SPIDR: variants seen among roughly 807,000 people sequenced by gnomAD.
SPIDR encodes the protein DNA repair-scaffolding protein.
SPIDR carries 93 observed loss-of-function variants against 104.6 expected under a neutral mutation model. That is an observed-to-expected ratio of 0.89 (90% confidence interval 0.75 to 1.06). The LOEUF (loss-of-function observed/expected upper bound fraction) is 1.06, where lower values mean the gene tolerates loss of function less well. Among genes scored for constraint, SPIDR ranks in the 50% least tolerant of loss-of-function variants. The probability of loss-of-function intolerance (pLI) is 0.00; values close to 1 mark genes in which losing one functional copy is unlikely to be tolerated. For synonymous variants in SPIDR, 431 were observed against 416.9 expected (o/e 1.03, Z -0.41); for missense variants, 1,154 against 1,111.2 (o/e 1.04, Z -0.55).
chr8:47,712,961 G>T (rs1049424433), intron 15 of SPIDR, 89 bp downstream of exon 15: 32 of 1,563,556 alleles, frequency 2.0e-5, no homozygotes, highest in Non-Finnish European at 2.7e-5. Context: ...CCTCCTTGTT[G>T]CTTGGACGCT....
chr8:47,728,732 C>T (rs1448360852), intron 17 of SPIDR: 4 of 528,278 alleles, frequency 7.6e-6, no homozygotes, highest in African/African-American at 2.0e-5. Context: ...CAGTGCTACT[C>T]GTGCTACTCG....
At chr8:47,328,273 T>A (rs1156271599) in intron 5 of SPIDR, among the ~76,000 whole-genome samples, 1 of 151,918 alleles carries the variant, frequency 6.6e-6, no homozygotes, top group Non-Finnish European at 1.5e-5. Context: ...TTTTTTTTTT[T>A]AAAGAGATAA....
intron 8 of SPIDR, among the ~76,000 whole-genome samples, chr8:47,472,263 C>G (rs1271967163): frequency 6.6e-6 from 1 of 152,172 alleles, no homozygotes; most frequent in African/African-American, 2.4e-5. Context: ...TTCACATTGT[C>G]TCCTAGGAGA....
chr8:47,589,022 G>GTTTTTTTTTTTTTTTTTTT (rs1168001066), intron 8 of SPIDR, among the ~76,000 whole-genome samples: 24 of 89,048 alleles, frequency 2.7e-4, no homozygotes, highest in East Asian at 3.4e-4. Context: ...TTTATAGTTT[G>GTTTTTTTTTTTTTTTTTTT]TTTTTTTTTT....
At chr8:47,487,375 A>G (rs1348775034) in intron 8 of SPIDR, among the ~76,000 whole-genome samples, 5 of 152,136 alleles carry the variant, frequency 3.3e-5, no homozygotes, top group African/African-American at 9.7e-5. Context: ...GAGACCTACA[A>G]AGAGACTTAG....
chr8:47,543,844 G>T (rs899828947), intron 8 of SPIDR, among the ~76,000 whole-genome samples: 1 of 152,136 alleles, frequency 6.6e-6, no homozygotes, highest in Non-Finnish European at 1.5e-5. Flanking sequence ...AAGCTGGTGG[G>T]CTGTCACATC....
intron 5 of SPIDR, among the ~76,000 whole-genome samples, chr8:47,315,961 A>G (rs1200566629): frequency 6.6e-6 from 1 of 152,204 alleles, no homozygotes; most frequent in African/African-American, 2.4e-5. Context: ...GAAAGCAGCA[A>G]CTGTTTTAAA....
chr8:47,418,578 G>A (rs9743896), intron 7 of SPIDR, among the ~76,000 whole-genome samples: 1 of 152,140 alleles, frequency 6.6e-6, no homozygotes, highest in Non-Finnish European at 1.5e-5. Context: ...GGGACAATTT[G>A]ACTTCCTGTT....
chr8:47,678,109 T>C (rs1308848089), intron 11 of SPIDR, among the ~76,000 whole-genome samples: 1 of 152,170 alleles, frequency 6.6e-6, no homozygotes, highest in Non-Finnish European at 1.5e-5. Context: ...CTGTTTGTAC[T>C]ATGCTCCCAG....
intron 9 of SPIDR, among the ~76,000 whole-genome samples, chr8:47,598,434 GTGT>G (rs1311547926): frequency 2.0e-5 from 3 of 152,212 alleles, no homozygotes; most frequent in Admixed American, 1.3e-4. Context: ...CACTCTAGAA[GTGT>G]TGTTGTTTTA....
chr8:47,373,319 T>G (rs2058264021), intron 5 of SPIDR, among the ~76,000 whole-genome samples: 1 of 152,206 alleles, frequency 6.6e-6, no homozygotes. Flanking sequence ...TAGGGTATAT[T>G]AAACATTTCT....
chr8:47,294,313 T>A, intron 5 of SPIDR: 1 of 297,610 alleles, frequency 3.4e-6, no homozygotes, highest in East Asian at 6.6e-5. Flanking sequence ...TATATCAAAG[T>A]GCTGGAATTG....
At chr8:47,434,610 C>G (rs1292670620) in intron 7 of SPIDR, among the ~76,000 whole-genome samples, 1 of 152,184 alleles carries the variant, frequency 6.6e-6, no homozygotes, top group Non-Finnish European at 1.5e-5. Flanking sequence ...GAAAGACTTA[C>G]AGATGTTCCT....
chr8:47,518,781 C>T (rs1295995182), intron 8 of SPIDR, among the ~76,000 whole-genome samples: 5 of 151,918 alleles, frequency 3.3e-5, no homozygotes, highest in South Asian at 2.1e-4. Context: ...GAACTACAGG[C>T]GCCTGCCACC....
intron 7 of SPIDR, among the ~76,000 whole-genome samples, chr8:47,418,724 T>C (rs746796185): frequency 6.6e-6 from 1 of 152,194 alleles, no homozygotes; most frequent in Non-Finnish European, 1.5e-5. Flanking sequence ...CTTCCAGTTT[T>C]TGCCCATTCA....
At chr8:47,462,941 A>G (rs1554714499) in intron 8 of SPIDR, among the ~76,000 whole-genome samples, 2 of 152,226 alleles carry the variant, frequency 1.3e-5, no homozygotes, top group African/African-American at 4.8e-5. Flanking sequence ...CTGAACACCA[A>G]CAAATTGGGT....
chr8:47,506,097 A>G (rs1246271079), intron 8 of SPIDR, among the ~76,000 whole-genome samples: 1 of 152,138 alleles, frequency 6.6e-6, no homozygotes, highest in African/African-American at 2.4e-5. Flanking sequence ...GTTTCTTGTA[A>G]TGCTACAAGA....
At chr8:47,546,910 G>A (rs1370955309) in intron 8 of SPIDR, 2 of 450,970 alleles carry the variant, frequency 4.4e-6, no homozygotes, top group Non-Finnish European at 8.5e-6. Flanking sequence ...GCCCTTGCCA[G>A]TAACAAAAAC....
intron 5 of SPIDR, among the ~76,000 whole-genome samples, chr8:47,352,304 A>T (rs540790733): frequency 6.6e-6 from 1 of 151,910 alleles, no homozygotes; most frequent in Non-Finnish European, 1.5e-5. Context: ...AAAGAAAGAA[A>T]ATAATTTGAC....
Sources: gnomAD v4.1 joint callset for allele counts (sites outside exome capture counted in the v4.1 genomes callset) on GRCh38, gnomAD v4.1.1 for gene constraint, MANE v1.5 for transcripts, NCBI Gene and HGNC (gene_info 2026-07-23, HGNC 2026-07-21) for gene names.